TLCD3B: variants seen among roughly 807,000 people sequenced by gnomAD.
TLCD3B encodes the protein ceramide synthase.
A neutral mutation model predicts 23.0 loss-of-function variants in TLCD3B; 9 were observed. The ratio of observed to expected loss-of-function variants is 0.39; its 90% CI spans 0.24 to 0.68. The LOEUF (loss-of-function observed/expected upper bound fraction) is 0.68. Ranked by LOEUF, TLCD3B falls within the 30% of genes least tolerant of loss-of-function variation. TLCD3B has a pLI of 0.44. For missense variants in TLCD3B, 307 were observed against 371.8 expected (o/e 0.83, Z 1.43); for synonymous variants, 161 against 161.0 (o/e 1.00, Z 0.00).
intron 3 of TLCD3B, among the ~76,000 whole-genome samples, chr16:30,036,969 C>CAGCT (rs2071485952): frequency 6.6e-6 from 1 of 151,702 alleles, no homozygotes; most frequent in African/African-American, 2.4e-5. Context: ...CCTGTAATCC[C>CAGCT]AGCTATTCAG....
At chr16:30,041,947 G>T (rs921950394) in intron 2 of TLCD3B, among the ~76,000 whole-genome samples, 1 of 152,132 alleles carries the variant, frequency 6.6e-6, no homozygotes, top group Non-Finnish European at 1.5e-5. Flanking sequence ...CCCACTAGTG[G>T]CTAAACAAGC....
At chr16:30,033,553 T>C (rs975055799), upstream of TLCD3B, 2 of 152,216 alleles carry the variant, frequency 1.3e-5, no homozygotes, top group African/African-American at 4.8e-5. Context: ...ACACAGGTCA[T>C]AGATCTGCAG....
At chr16:30,028,074 T>G (rs112136646) in intron 2 of TLCD3B, among the ~76,000 whole-genome samples, 1,755 of 152,134 alleles carry the variant, frequency 0.012, 24 homozygotes, top group African/African-American at 0.04. Flanking sequence ...GAGGGGCAGC[T>G]GTAGAGAACG....
At chr16:30,040,147 A>AATATATATATATATATATATAT in intron 3 of TLCD3B, among the ~76,000 whole-genome samples, 1 of 95,898 alleles carries the variant, frequency 1.0e-5, no homozygotes, top group African/African-American at 4.3e-5. Flanking sequence ...AAAAAAAAAA[A>AATATATATATATATATATATAT]ATATATATAT....
intron 3 of TLCD3B, among the ~76,000 whole-genome samples, chr16:30,037,458 G>A (rs968236382): frequency 6.6e-6 from 1 of 151,682 alleles, no homozygotes; most frequent in African/African-American, 2.4e-5. Flanking sequence ...CAGGAGAATG[G>A]CGTGAACCTG....
At chr16:30,044,580 G>A (rs942908966) in intron 2 of TLCD3B, among the ~76,000 whole-genome samples, 1 of 152,124 alleles carries the variant, frequency 6.6e-6, no homozygotes, top group African/African-American at 2.4e-5. Flanking sequence ...CCAATGTGCT[G>A]GGATTACAGA....
At chr16:30,043,396 T>G (rs1189613083) in intron 2 of TLCD3B, among the ~76,000 whole-genome samples, 1 of 151,820 alleles carries the variant, frequency 6.6e-6, no homozygotes, top group African/African-American at 2.4e-5. Flanking sequence ...CCAGCTTATT[T>G]TTTAAGTTTT....
chr16:30,046,930 C>T (rs1381474599), intron 1 of TLCD3B, among the ~76,000 whole-genome samples: 1 of 152,226 alleles, frequency 6.6e-6, no homozygotes, highest in African/African-American at 2.4e-5. Context: ...TTGCTATACA[C>T]ATACGCATTG....
rs144465076 is a variant in TLCD3B at position 30,028,410 on chromosome 16, C to T, written c.209+1022G>A. Among the ~76,000 whole-genome samples, 240 of 152,132 alleles carry T rather than the reference C, an allele frequency of 1.6e-3. 2 individuals carry two copies. Among genetic ancestry groups the T allele is most frequent in the African/African-American group, 5.4e-3 (224 of 41,488 alleles). On this transcript the variant is annotated intron_variant, in intron 2 of 4. Coordinates refer to ENST00000380495, the MANE Select transcript of TLCD3B (RefSeq NM_031478.6). ...GGGAGCAGGGGGTACAGAAGCTAAA[C>T]GGTGACCTCTGCATGTGAAGGCTGG... is the stretch of plus-strand genomic sequence containing the variant.
At chr16:30,046,928 C>A (rs1278655688) in intron 1 of TLCD3B, among the ~76,000 whole-genome samples, 1 of 152,212 alleles carries the variant, frequency 6.6e-6, no homozygotes, top group Non-Finnish European at 1.5e-5. Context: ...AGTTGCTATA[C>A]ACATACGCAT....
At chr16:30,031,448 C>T (rs2150984647), upstream of TLCD3B, among the ~76,000 whole-genome samples, 1 of 152,214 alleles carries the variant, frequency 6.6e-6, no homozygotes, top group South Asian at 2.1e-4. Flanking sequence ...GGGAGGGGGC[C>T]CTGAGCCCCC....
rs1419047030 is a variant in TLCD3B, at chr16:30,030,774, G to C, written c.-247C>G. The C allele has an allele frequency of 2.4e-6, 3 of 1,236,732 alleles. No homozygotes were observed. The highest frequency in any genetic ancestry group is 3.0e-6 in the Non-Finnish European group (3 of 988,808). 76.6% of individuals were successfully genotyped at this position (1,236,732 alleles called of 1,614,324 possible). On this transcript the variant is annotated 5_prime_UTR_variant, in exon 1 of 5. Transcript: ENST00000380495. ...GGATGGGAGAAGGGGAGCAGGAGCAGGCCAGCGAGGGATGGGGAGAGGCAA... is the reference window on the plus strand; with the variant it reads ...GGATGGGAGAAGGGGAGCAGGAGCACGCCAGCGAGGGATGGGGAGAGGCAA...
At chr16:30,028,551 T>A (rs753444660) in intron 2 of TLCD3B, among the ~76,000 whole-genome samples, 21 of 152,216 alleles carry the variant, frequency 1.4e-4, no homozygotes, top group Non-Finnish European at 2.2e-4. Context: ...AGCCAAGAAC[T>A]GTCCTCTGCA....
rs777168695 is a variant in TLCD3B at position 30,030,507 on chromosome 16, G to A, written c.21C>T (p.Ala7=). ...AGAGTCCGGGGAACACCACCCCCCCGGCCACCATCGGGGTCAGCATGGTGG... is the reference window on the plus strand; with the variant it reads ...AGAGTCCGGGGAACACCACCCCCCCAGCCACCATCGGGGTCAGCATGGTGG... The part of the protein sequence containing the change: MLTPMV[A]GGVVFPGLFL... Residue 7 remains alanine (A), a synonymous_variant, in exon 1 of 5, where the codon GCC becomes GCT. Coordinates refer to ENST00000380495, the MANE Select transcript of TLCD3B (RefSeq NM_031478.6). 13 of 1,590,990 alleles carry A rather than the reference G, an allele frequency of 8.2e-6. No homozygotes were observed. Among genetic ancestry groups the A allele is most frequent in the African/African-American group, 8.1e-5 (6 of 73,844 alleles).
chr16:30,051,849 G>T (rs865866883), intron 1 of TLCD3B, among the ~76,000 whole-genome samples: 2 of 152,194 alleles, frequency 1.3e-5, no homozygotes. Context: ...ATGAGGAAGA[G>T]GTTTGAGGGG....
intron 3 of TLCD3B, among the ~76,000 whole-genome samples, chr16:30,040,123 G>A (rs1338063689): frequency 2.8e-5 from 3 of 105,620 alleles, no homozygotes; most frequent in Non-Finnish European, 5.2e-5. Context: ...AACACAGCAA[G>A]ACTTTGTCTC....
chr16:30,030,286 C>A (rs1596749217), intron 1 of TLCD3B, 117 bp downstream of exon 1: 2 of 1,201,362 alleles, frequency 1.7e-6, no homozygotes. Context: ...AAGCCCCGGA[C>A]CCCCACAGGA....
rs1042496176 is a variant in TLCD3B at position 30,025,211 on chromosome 16, G to A, written c.797C>T (p.Pro266Leu). Residue 266 changes from proline to leucine, a missense_variant, in exon 5 of 5, where the codon CCG becomes CTG. Transcript: ENST00000380495. This position sits in a 1 kb window ranked among gnomAD's most constrained non-coding sequence, Gnocchi z 4.1. ...ACRLFWPRSR[P>L]PPACQAQD ...GTCCTGGGCCTGGCAGGCCGGGGGCGGCCGGGAGCGGGGCCAGAAGAGGCG... is the reference window on the plus strand; with the variant it reads ...GTCCTGGGCCTGGCAGGCCGGGGGCAGCCGGGAGCGGGGCCAGAAGAGGCG... The A allele has an allele frequency of 3.5e-5, 53 of 1,495,280 alleles. No homozygotes were observed. The highest frequency in any genetic ancestry group is 5.0e-5 in the East Asian group (2 of 40,320). 92.6% of individuals were successfully genotyped at this position (1,495,280 alleles called of 1,614,324 possible).
At chr16:30,035,767 T>TTTTTTC (rs1491320292), upstream of TLCD3B, among the ~76,000 whole-genome samples, 13 of 40,768 alleles carry the variant, frequency 3.2e-4, no homozygotes, top group Non-Finnish European at 6.9e-4. Context: ...TTCTTTTTTC[T>TTTTTTC]TTTTTTTTTT....
Sources: gnomAD v4.1 joint callset for allele counts (sites outside exome capture counted in the v4.1 genomes callset) on GRCh38, gnomAD v4.1.1 for gene constraint, Gnocchi (gnomAD v3.1) non-coding constraint, MANE v1.5 for transcripts, NCBI Gene and HGNC (gene_info 2026-07-23, HGNC 2026-07-21) for gene names.